The following ARB2A variants were observed in gnomAD, a reference collection of about 807,000 sequenced individuals.
ARB2A encodes the protein ARB2 cotranscriptional regulator A.
the ARB2A span, among the ~76,000 whole-genome samples, chr5:93,938,081 C>A: frequency 6.6e-6 from 1 of 152,090 alleles, no homozygotes; most frequent in Non-Finnish European, 1.5e-5. Context: ...TTCCACTGCT[C>A]CGTGATATTT....
the ARB2A span, among the ~76,000 whole-genome samples, chr5:93,927,216 C>A: frequency 3.3e-5 from 5 of 152,054 alleles, no homozygotes; most frequent in East Asian, 9.6e-4. Context: ...TATTTTAAAG[C>A]GTGCCTGGTG....
chr5:93,783,788 C>T, the ARB2A span, among the ~76,000 whole-genome samples: 1 of 152,052 alleles, frequency 6.6e-6, no homozygotes, highest in Admixed American at 6.6e-5. Flanking sequence ...TTCAATGAAT[C>T]CTTGTTAGTT....
At chr5:93,739,655 A>G in the ARB2A span, 2 of 152,172 alleles carry the variant, frequency 1.3e-5, no homozygotes, top group Non-Finnish European at 2.9e-5. Context: ...TGAAAAGACC[A>G]ATTTCAGAGA....
the ARB2A span, chr5:93,618,150 T>C: frequency 1.3e-5 from 2 of 152,044 alleles, no homozygotes; most frequent in Non-Finnish European, 2.9e-5. Context: ...TTTTTTTTTT[T>C]TACTTCGCAT....
the ARB2A span, among the ~76,000 whole-genome samples, chr5:93,641,156 C>G: frequency 1.3e-4 from 19 of 149,842 alleles, no homozygotes; most frequent in Non-Finnish European, 1.5e-5. Flanking sequence ...GCCTAGATCG[C>G]ACCACTGCAC....
the ARB2A span, among the ~76,000 whole-genome samples, chr5:93,645,213 G>A: frequency 6.6e-6 from 1 of 152,090 alleles, no homozygotes; most frequent in Non-Finnish European, 1.5e-5. Flanking sequence ...ACAATTACAG[G>A]ATGAAGGGCA....
the ARB2A span, among the ~76,000 whole-genome samples, chr5:93,726,238 G>A: frequency 6.6e-6 from 1 of 151,966 alleles, no homozygotes; most frequent in South Asian, 2.1e-4. Flanking sequence ...GACGATGGTG[G>A]ACATATTCAA....
At chr5:93,890,448 A>C in the ARB2A span, among the ~76,000 whole-genome samples, 3 of 151,930 alleles carry the variant, frequency 2.0e-5, no homozygotes, top group Non-Finnish European at 4.4e-5. Context: ...AAATTAATGA[A>C]TAGACAATTT....
the ARB2A span, among the ~76,000 whole-genome samples, chr5:93,782,327 G>C: frequency 6.6e-6 from 1 of 152,130 alleles, no homozygotes; most frequent in Non-Finnish European, 1.5e-5. Context: ...TGAAGTAGAT[G>C]AAATAGGAAT....
the ARB2A span, among the ~76,000 whole-genome samples, chr5:93,712,745 C>G: frequency 6.6e-6 from 1 of 151,942 alleles, no homozygotes; most frequent in African/African-American, 2.4e-5. Flanking sequence ...ATGGAATAGC[C>G]AAAGCCATCC....
the ARB2A span, among the ~76,000 whole-genome samples, chr5:93,708,504 A>G: frequency 6.6e-6 from 1 of 152,202 alleles, no homozygotes; most frequent in Non-Finnish European, 1.5e-5. Context: ...ACCTCAGATC[A>G]TCATGCGTTA....
At chr5:93,667,897 A>G in the ARB2A span, among the ~76,000 whole-genome samples, 1 of 152,142 alleles carries the variant, frequency 6.6e-6, no homozygotes, top group Admixed American at 6.5e-5. Flanking sequence ...TCTCAATGAC[A>G]CTCTTAATGA....
the ARB2A span, chr5:93,683,104 T>G: frequency 1.3e-6 from 2 of 1,557,538 alleles, no homozygotes; most frequent in African/African-American, 1.4e-5. Flanking sequence ...GATTTGACTT[T>G]TGTGCATTTT....
At chr5:94,100,025 A>G in the ARB2A span, among the ~76,000 whole-genome samples, 4 of 152,210 alleles carry the variant, frequency 2.6e-5, no homozygotes, top group Non-Finnish European at 4.4e-5. Context: ...ACATGATTCT[A>G]TATCTAGAAA....
the ARB2A span, among the ~76,000 whole-genome samples, chr5:93,688,719 T>C: frequency 2.0e-5 from 3 of 152,278 alleles, no homozygotes; most frequent in Non-Finnish European, 4.4e-5. Context: ...ATCATTCTCC[T>C]AAAAATATTT....
At chr5:93,677,330 G>A in the ARB2A span, among the ~76,000 whole-genome samples, 1 of 152,210 alleles carries the variant, frequency 6.6e-6, no homozygotes, top group Non-Finnish European at 1.5e-5. Context: ...ATACACAGAT[G>A]AGACCAAGAT....
chr5:93,940,515 T>C, the ARB2A span, among the ~76,000 whole-genome samples: 2 of 151,984 alleles, frequency 1.3e-5, no homozygotes, highest in African/African-American at 2.4e-5. Flanking sequence ...ATTTCTAATA[T>C]GTATTGAAAT....
chr5:93,690,015 T>C, the ARB2A span, among the ~76,000 whole-genome samples: 1 of 152,136 alleles, frequency 6.6e-6, no homozygotes, highest in Non-Finnish European at 1.5e-5. Context: ...GAATGGTGCA[T>C]TCCGGCCCAG....
chr5:93,815,400 A>G, the ARB2A span, among the ~76,000 whole-genome samples: 1 of 152,320 alleles, frequency 6.6e-6, no homozygotes, highest in South Asian at 2.1e-4. Context: ...AGAAGGAAAA[A>G]TGATAGTCCT....
Sources: gnomAD v4.1 joint callset for allele counts (sites outside exome capture counted in the v4.1 genomes callset) on GRCh38, gnomAD v4.1.1 for gene constraint, MANE v1.5 for transcripts, NCBI Gene and HGNC (gene_info 2026-07-23, HGNC 2026-07-21) for gene names.